The following ELFN2 variants were observed in gnomAD, a reference collection of about 807,000 sequenced individuals.
ELFN2 encodes extracellular leucine rich repeat and fibronectin type III domain containing 2.
A neutral mutation model predicts 45.5 loss-of-function variants in ELFN2; 17 were observed. That is an observed-to-expected ratio of 0.37 (90% CI 0.26 to 0.56). The LOEUF (loss-of-function observed/expected upper bound fraction) is 0.56. ELFN2 is among the 20% of genes least tolerant of loss of function. ELFN2 has a pLI of 0.77. For synonymous variants in ELFN2, 550 were observed against 551.5 expected (o/e 1.00, Z 0.04); for missense variants, 922 against 1,183.2 (o/e 0.78, Z 3.24).
At chr22:37,388,121 C>T (rs73166406) in intron 2 of ELFN2, among the ~76,000 whole-genome samples, 20,800 of 151,992 alleles carry the variant, frequency 0.14, 1,801 homozygotes, top group Non-Finnish European at 0.19. Flanking sequence ...CTCCACCCAG[C>T]AGAAGATGAA....
Position 37,375,847 on chromosome 22 carries a change from C to G in ELFN2, c.-313G>C. ...GCTTGACTTCCTCTCCCTCCTCCTC[C>G]TCCTCCTCCTCCTCCTCCTCCTCGT... is the stretch of plus-strand genomic sequence containing the variant. On this transcript the variant is annotated 5_prime_UTR_variant, in exon 3 of 3. Transcript: ENST00000402918. 1 of 418,804 alleles carries G rather than the reference C, an allele frequency of 2.4e-6. No individual in the cohort carries two copies. 25.9% of individuals were successfully genotyped at this position (418,804 alleles called of 1,614,324 possible). A position where few individuals can be genotyped will look rare whatever the true frequency, so the allele number is the denominator to read the frequency against.
At chr22:37,401,209 T>C (rs986253919) in intron 2 of ELFN2, among the ~76,000 whole-genome samples, 3 of 152,314 alleles carry the variant, frequency 2.0e-5, no homozygotes, top group South Asian at 4.1e-4. Flanking sequence ...GCAGGTCAAC[T>C]AGCAAAGGGA....
intron 1 of ELFN2, among the ~76,000 whole-genome samples, chr22:37,358,040 T>A (rs777146912): frequency 5.3e-5 from 8 of 152,128 alleles, no homozygotes; most frequent in Non-Finnish European, 7.4e-5. Context: ...CTAATTGCTA[T>A]CATTCTCAGC....
chr22:37,407,523 C>G (rs1192164838), intron 2 of ELFN2, among the ~76,000 whole-genome samples: 1 of 152,168 alleles, frequency 6.6e-6, no homozygotes, highest in African/African-American at 2.4e-5. Flanking sequence ...GGAACGTGCT[C>G]TGTAGAGAGT....
At chr22:37,348,177 A>C (rs1601731030) in intron 1 of ELFN2, among the ~76,000 whole-genome samples, 1 of 152,174 alleles carries the variant, frequency 6.6e-6, no homozygotes, top group East Asian at 1.9e-4. Context: ...CTGGAAGTTC[A>C]CAGACACGTG....
intron 2 of ELFN2, among the ~76,000 whole-genome samples, chr22:37,405,297 TG>T (rs1932472346): frequency 6.6e-6 from 1 of 152,042 alleles, no homozygotes; most frequent in African/African-American, 2.4e-5. Context: ...TTCGCCATGT[TG>T]GCCAGGCTGG....
chr22:37,357,620 G>C (rs1336730862), intron 1 of ELFN2, among the ~76,000 whole-genome samples: 1 of 152,186 alleles, frequency 6.6e-6, no homozygotes, highest in Non-Finnish European at 1.5e-5. Flanking sequence ...GGAGCCACAG[G>C]GATGGGCCCA....
chr22:37,359,705 C>T (rs1458260367), intron 1 of ELFN2, among the ~76,000 whole-genome samples: 1 of 152,228 alleles, frequency 6.6e-6, no homozygotes, highest in South Asian at 2.1e-4. Flanking sequence ...TACTGCCTGA[C>T]CACCATGGGG....
At chr22:37,390,073 G>C (rs1214167277) in intron 2 of ELFN2, among the ~76,000 whole-genome samples, 1 of 152,200 alleles carries the variant, frequency 6.6e-6, no homozygotes, top group Admixed American at 6.5e-5. Context: ...GCCCCAACAG[G>C]CTGCATGGCT....
At position 37,372,950 on chromosome 22, in the gene ELFN2, G is replaced by T; in HGVS notation, c.*122C>A. 1.8e-6 allele frequency: 2 copies of T among 1,139,892 alleles called. No individual in the cohort carries two copies. The highest frequency in any genetic ancestry group is 2.4e-6 in the Non-Finnish European group (2 of 826,664). 70.6% of individuals were successfully genotyped at this position (1,139,892 alleles called of 1,614,324 possible). ...TGTGTGCGTGCGTGCGTGCGGGTCT[G>T]CATGTGCGTCCTCTCCTGGGCCTTG... is the stretch of plus-strand genomic sequence containing the variant. On this transcript the variant is annotated 3_prime_UTR_variant, in exon 3 of 3. Coordinates refer to ENST00000402918, the MANE Select transcript of ELFN2 (RefSeq NM_052906.5). The surrounding 1 kb of genome is among the most constrained non-coding windows in gnomAD (Gnocchi z 4.4).
rs781290326 is a variant in ELFN2, at chr22:37,373,132, G to A, written c.2403C>T (p.Asp801=). ...AATCAAGGATGTCATGCAGATCCTC[G>A]TCCTTGGCGAACTGGACCTTCTTGC... The part of the protein sequence containing the change: ...ALRKKVQFAK[D]EDLHDILDYW... The change falls in exon 3 of 3, where the codon GAC becomes GAT. Residue 801 remains aspartate, a synonymous_variant. Transcript: ENST00000402918. The A allele has an allele frequency of 6.8e-6, 11 of 1,612,834 alleles. No homozygotes were observed. The highest frequency in any genetic ancestry group is 2.2e-5 in the South Asian group (2 of 91,050).
rs1601745077 is a variant in ELFN2, at chr22:37,373,674, C to T, written c.1861G>A (p.Asp621Asn). 5 of 1,569,434 alleles carry T rather than the reference C, an allele frequency of 3.2e-6. No homozygotes were observed. The highest frequency in any genetic ancestry group is 2.3e-5 in the East Asian group (1 of 44,406). Residue 621 changes from aspartate (D) to asparagine (N), a missense_variant, in exon 3 of 3, where the codon GAC becomes AAC. Asp to Asn is a conservative substitution (Grantham distance 23). This residue lies in a region of ELFN2 where 564 missense variants were observed against 642.8 expected (regional missense o/e 0.88). Coordinates refer to ENST00000402918, the MANE Select transcript of ELFN2 (RefSeq NM_052906.5). ...CAGGTCTTGCGGGTCACGGCCGCGT[C>T]GGCGCTCAGCTGGCGCTGTAGTGGG... ...HHPLQRQLSA[D>N]AAVTRKTCSV...
At chr22:37,416,431 G>A (rs1347309784) in intron 2 of ELFN2, among the ~76,000 whole-genome samples, 6 of 152,190 alleles carry the variant, frequency 3.9e-5, no homozygotes, top group African/African-American at 1.4e-4. Context: ...ACGGCACTGG[G>A]TCAACAGGTC....
chr22:37,398,783 T>C (rs1932285071), intron 2 of ELFN2, among the ~76,000 whole-genome samples: 2 of 151,956 alleles, frequency 1.3e-5, no homozygotes, highest in Non-Finnish European at 2.9e-5. Flanking sequence ...TGTGCACACA[T>C]GTGCACACAT....
chr22:37,408,121 C>T (rs1311987463), intron 2 of ELFN2, among the ~76,000 whole-genome samples: 1 of 152,202 alleles, frequency 6.6e-6, no homozygotes, highest in Non-Finnish European at 1.5e-5. Flanking sequence ...TCTGCATGAT[C>T]CCCCCAGGGG....
In ELFN2 at chr22:37,369,185, A is replaced by G. The variant is rs2145628986; in HGVS notation, c.*3887T>C. 6.6e-6 allele frequency: 1 copy of G among 151,770 alleles called. No individual in the cohort carries two copies. The highest frequency in any genetic ancestry group is 1.9e-4 in the East Asian group (1 of 5,154). 9.4% of individuals were successfully genotyped at this position (151,770 alleles called of 1,614,324 possible). A position where few individuals can be genotyped will look rare whatever the true frequency, so the allele number is the denominator to read the frequency against. On this transcript the variant is annotated 3_prime_UTR_variant, in exon 3 of 3. Coordinates refer to ENST00000402918, the MANE Select transcript of ELFN2 (RefSeq NM_052906.5). ...CCTTTCCTCTCCTTTCCGTCTCTGC[A>G]CTTCTGTTCACCCCGCTGTTACATT...
chr22:37,407,135 G>A (rs1044488844), intron 2 of ELFN2, among the ~76,000 whole-genome samples: 8 of 151,976 alleles, frequency 5.3e-5, no homozygotes, highest in South Asian at 2.1e-4. Flanking sequence ...GTGTGTGTGC[G>A]TGTGTGTGTG....
intron 2 of ELFN2, among the ~76,000 whole-genome samples, chr22:37,410,406 G>C (rs1400150585): frequency 6.6e-6 from 1 of 152,164 alleles, no homozygotes; most frequent in African/African-American, 2.4e-5. Context: ...ACCTCTCTGG[G>C]CTGCAGCCTG....
At chr22:37,360,962 G>A (rs771253199) in intron 1 of ELFN2, among the ~76,000 whole-genome samples, 16 of 152,144 alleles carry the variant, frequency 1.1e-4, no homozygotes, top group South Asian at 4.1e-4. Flanking sequence ...CTGGAATGGG[G>A]TTTACAGCAG....
Sources: allele counts gnomAD v4.1 joint callset (sites outside exome capture counted in the v4.1 genomes callset), GRCh38; gene constraint gnomAD v4.1.1; regional missense constraint gnomAD v4.1.1; non-coding constraint Gnocchi (gnomAD v3.1); transcripts MANE v1.5; gene names NCBI Gene and HGNC (gene_info 2026-07-23, HGNC 2026-07-21).